KIAA1958: variants seen among roughly 807,000 people sequenced by gnomAD.
The protein encoded by KIAA1958 is KIAA1958, also known as uncharacterized protein KIAA1958.
A neutral mutation model predicts 47.2 loss-of-function variants in KIAA1958; 14 were observed. That is an observed-to-expected ratio of 0.30 (90% CI 0.20 to 0.46). The LOEUF is 0.46. KIAA1958 is among the 20% of genes least tolerant of loss of function. The pLI is 1.00. For missense variants in KIAA1958, 803 were observed against 909.2 expected (o/e 0.88, Z 1.50); for synonymous variants, 354 against 353.3 (o/e 1.00, Z -0.02).
At chr9:112,627,272 T>C (rs920988307) in intron 2 of KIAA1958, among the ~76,000 whole-genome samples, 28 of 152,212 alleles carry the variant, frequency 1.8e-4, no homozygotes, top group Admixed American at 6.5e-5. Flanking sequence ...TACTCTCTCC[T>C]CTAGAATTTT....
intron 1 of KIAA1958, among the ~76,000 whole-genome samples, chr9:112,566,569 C>T (rs1194355165): frequency 2.0e-5 from 3 of 152,214 alleles, no homozygotes; most frequent in Admixed American, 2.0e-4. Context: ...ACACAGTGAA[C>T]TGCATTTCAG....
intron 2 of KIAA1958, among the ~76,000 whole-genome samples, chr9:112,612,017 T>C (rs1418606702): frequency 7.1e-6 from 1 of 140,624 alleles, no homozygotes; most frequent in Admixed American, 7.5e-5. Context: ...AAGAAAAATA[T>C]ATATTATTGA....
In KIAA1958 at chr9:112,660,616, G is replaced by T; in HGVS notation, c.*547G>T. The T allele has an allele frequency of 6.4e-6, 1 of 156,506 alleles. No homozygotes were observed. The highest frequency in any genetic ancestry group is 1.4e-5 in the Non-Finnish European group (1 of 70,644). The allele number at this position is 156,506 out of a possible 1,614,324, so 9.7% of individuals were successfully genotyped here. A position where few individuals can be genotyped will look rare whatever the true frequency, so the allele number is the denominator to read the frequency against. On this transcript the variant is annotated 3_prime_UTR_variant, in exon 4 of 4. Transcript: ENST00000337530. ...GGTTCTGGAGGGCAGGCAGCCTTGT[G>T]TCGGGGAGTATCCTCAAGCGACACT...
At chr9:112,573,559 G>A (rs1398904144) in intron 1 of KIAA1958, among the ~76,000 whole-genome samples, 3 of 152,042 alleles carry the variant, frequency 2.0e-5, no homozygotes, top group African/African-American at 7.2e-5. Flanking sequence ...TCTGACCTCC[G>A]TCCTAAGATG....
rs1837353181 is a variant in KIAA1958 at position 112,666,538 on chromosome 9, A to G, written c.*6469A>G. 6.6e-6 allele frequency: 1 copy of G among 152,186 alleles called. No homozygotes were observed. The highest frequency in any genetic ancestry group is 6.5e-5 in the Admixed American group (1 of 15,278). The allele number at this position is 152,186 out of a possible 1,614,324, so 9.4% of individuals were successfully genotyped here. On this transcript the variant is annotated 3_prime_UTR_variant, in exon 4 of 4. Coordinates refer to ENST00000337530, the MANE Select transcript of KIAA1958 (RefSeq NM_133465.4). ...ATAGAGCTGCATCTGGCAAAATGAC[A>G]TCCGGCTCACAGAAGACCCTAGTGA...
chr9:112,585,656 A>G (rs907294920), intron 2 of KIAA1958, among the ~76,000 whole-genome samples: 2 of 152,198 alleles, frequency 1.3e-5, no homozygotes, highest in Admixed American at 1.3e-4. Context: ...TAATGCTCAC[A>G]TGAGATAACA....
intron 1 of KIAA1958, among the ~76,000 whole-genome samples, chr9:112,500,734 A>T (rs1226916749): frequency 6.6e-6 from 1 of 152,214 alleles, no homozygotes; most frequent in Non-Finnish European, 1.5e-5. Flanking sequence ...TTCTTATTGA[A>T]TATAAAAGAA....
At chr9:112,501,641 G>A (rs560736528) in intron 1 of KIAA1958, among the ~76,000 whole-genome samples, 1 of 152,208 alleles carries the variant, frequency 6.6e-6, no homozygotes, top group South Asian at 2.1e-4. Context: ...CAAGCATTTC[G>A]GGCAGAGAAA....
chr9:112,565,935 G>T lies in KIAA1958; in HGVS notation c.-24-8122G>T, dbSNP rs577436837. 1.6e-4 allele frequency among the ~76,000 whole-genome samples: 25 copies of T among 152,166 alleles called. 1 individual carries two copies. In the Middle Eastern group the frequency reaches 0.01, roughly 62 times the overall value. On this transcript the variant is annotated intron_variant, in intron 1 of 3. Coordinates refer to ENST00000337530, the MANE Select transcript of KIAA1958 (RefSeq NM_133465.4). ...ATTTATTTATTTGAGACGGAGTCTC[G>T]CTCTGTCGCCCAGGCTGGAGTGCAG...
At chr9:112,583,890 A>G (rs1383062299) in intron 2 of KIAA1958, among the ~76,000 whole-genome samples, 3 of 152,178 alleles carry the variant, frequency 2.0e-5, no homozygotes, top group East Asian at 3.8e-4. Context: ...ATTTTTTAAA[A>G]TACGTATGTA....
Position 112,618,179 on chromosome 9 carries a change from T to A in KIAA1958, c.1172-27471T>A. On this transcript the variant is annotated intron_variant, in intron 2 of 3. Coordinates refer to ENST00000337530, the MANE Select transcript of KIAA1958 (RefSeq NM_133465.4). This position sits in a 1 kb window ranked among gnomAD's most constrained non-coding sequence, Gnocchi z 7.1. Reference sequence around the variant, plus strand: ...CACCAGGGATAAGGAATTCAAGCGTTCCCAAGAGGCCCTGAAGCAGAAGCA... The same window carrying A: ...CACCAGGGATAAGGAATTCAAGCGTACCCAAGAGGCCCTGAAGCAGAAGCA... The A allele has an allele frequency of 1.9e-6, 3 of 1,550,578 alleles. No individual in the cohort carries two copies. Among genetic ancestry groups the A allele is most frequent in the Non-Finnish European group, 2.6e-6 (3 of 1,146,998 alleles).
chr9:112,619,927 C>T, intron 2 of KIAA1958, among the ~76,000 whole-genome samples: 1 of 152,158 alleles, frequency 6.6e-6, no homozygotes, highest in East Asian at 1.9e-4. Flanking sequence ...TAAACAGTCT[C>T]TTTTCTCCTG....
At chr9:112,581,113 T>G (rs2798307) in intron 2 of KIAA1958, among the ~76,000 whole-genome samples, 145,363 of 152,144 alleles carry the variant, frequency 0.96, 69,518 homozygotes, top group African/African-American at 0.99. Flanking sequence ...TATTTGAGTT[T>G]ATTCCTTACT....
At chr9:112,652,286 G>A in intron 3 of KIAA1958, among the ~76,000 whole-genome samples, 1 of 152,126 alleles carries the variant, frequency 6.6e-6, no homozygotes, top group Non-Finnish European at 1.5e-5. Context: ...GTCTTGACAT[G>A]GTGAATCAAT....
chr9:112,516,050 GTC>G (rs1834427763), intron 1 of KIAA1958, among the ~76,000 whole-genome samples: 2 of 152,146 alleles, frequency 1.3e-5, no homozygotes, highest in African/African-American at 4.8e-5. Flanking sequence ...AAGTACAACT[GTC>G]TGTCTGTATT....
intron 1 of KIAA1958, among the ~76,000 whole-genome samples, chr9:112,560,191 TC>T (rs1169155408): frequency 1.3e-4 from 17 of 133,104 alleles, no homozygotes; most frequent in African/African-American, 4.5e-4. Flanking sequence ...GCTTTTTTTT[TC>T]TTTTTCTTTT....
intron 2 of KIAA1958, among the ~76,000 whole-genome samples, chr9:112,626,466 C>T (rs551344676): frequency 6.6e-6 from 1 of 152,036 alleles, no homozygotes; most frequent in Non-Finnish European, 1.5e-5. Flanking sequence ...ACCATTTATA[C>T]ATTCATTTCA....
chr9:112,614,739 T>A (rs958279392), intron 2 of KIAA1958, among the ~76,000 whole-genome samples: 1 of 152,182 alleles, frequency 6.6e-6, no homozygotes, highest in Admixed American at 6.5e-5. Flanking sequence ...CAACTAAGAT[T>A]GAGGCCCAGT....
intron 1 of KIAA1958, among the ~76,000 whole-genome samples, chr9:112,549,703 C>A (rs1339776569): frequency 6.6e-6 from 1 of 152,172 alleles, no homozygotes; most frequent in East Asian, 1.9e-4. Flanking sequence ...AGGGGAAGAG[C>A]TGCAGAAATG....
Sources: allele counts gnomAD v4.1 joint callset (sites outside exome capture counted in the v4.1 genomes callset), GRCh38; gene constraint gnomAD v4.1.1; non-coding constraint Gnocchi (gnomAD v3.1); transcripts MANE v1.5; gene names NCBI Gene and HGNC (gene_info 2026-07-23, HGNC 2026-07-21).